The following GLRA3 variants were observed in gnomAD, a reference collection of about 807,000 sequenced individuals.
GLRA3 encodes glycine receptor alpha 3, also known as glycine receptor subunit alpha-3.
A neutral mutation model predicts 60.4 loss-of-function variants in GLRA3; 44 were observed. The ratio of observed to expected loss-of-function variants is 0.73; its 90% confidence interval spans 0.57 to 0.94. The LOEUF is 0.94. GLRA3 is among the 40% of genes least tolerant of loss of function. GLRA3 has a pLI of 0.00. For synonymous variants in GLRA3, 223 were observed against 192.9 expected, an observed-to-expected ratio of 1.16 and a Z score of -1.29; for missense variants, 508 against 564.6, an observed-to-expected ratio of 0.90 and a Z score of 1.02.
At chr4:174,804,727 A>G (rs959502757) in intron 1 of GLRA3, among the ~76,000 whole-genome samples, 2 of 152,150 alleles carry the variant, frequency 1.3e-5, no homozygotes, top group Non-Finnish European at 2.9e-5. Flanking sequence ...CTCTGCACAG[A>G]ACGCGCGGTC....
chr4:174,682,433 A>G (rs1734383601), intron 6 of GLRA3, among the ~76,000 whole-genome samples: 1 of 152,176 alleles, frequency 6.6e-6, no homozygotes, highest in Non-Finnish European at 1.5e-5. Context: ...TAAAAAATGC[A>G]ATTTAAAAAA....
chr4:174,646,621 A>T (rs4695939), intron 9 of GLRA3, among the ~76,000 whole-genome samples: 78,134 of 151,976 alleles, frequency 0.51, 21,619 homozygotes, highest in African/African-American at 0.73. Flanking sequence ...GGCAATCATA[A>T]ACACCCTGAC....
intron 3 of GLRA3, among the ~76,000 whole-genome samples, chr4:174,754,968 A>G (rs1483841083): frequency 6.6e-6 from 1 of 152,138 alleles, no homozygotes; most frequent in African/African-American, 2.4e-5. Flanking sequence ...TTATAGAATT[A>G]CACTGAAAGA....
chr4:174,729,038 C>T (rs1343759228), intron 3 of GLRA3, among the ~76,000 whole-genome samples: 3 of 152,192 alleles, frequency 2.0e-5, no homozygotes, highest in Non-Finnish European at 2.9e-5. Flanking sequence ...CCCCCAGGAT[C>T]CTCACTGATT....
chr4:174,767,795 G>A (rs757417595), intron 2 of GLRA3, among the ~76,000 whole-genome samples: 1 of 151,988 alleles, frequency 6.6e-6, no homozygotes, highest in Admixed American at 6.6e-5. Flanking sequence ...GAGATACTGG[G>A]ACTCTCTGAG....
Position 174,654,686 on chromosome 4 carries a change from G to A in GLRA3, c.1116+2057C>T, listed in dbSNP as rs906191553. Among the ~76,000 whole-genome samples the A allele has an allele frequency of 3.9e-5, 6 of 151,980 alleles. 1 individual carries two copies. Among genetic ancestry groups the A allele is most frequent in the South Asian group, 4.1e-4 (2 of 4,824 alleles). On this transcript the variant is annotated intron_variant, in intron 9 of 9. Transcript: ENST00000274093. ...ATATCTCTCAACAAATAACATGTTC[G>A]GAAATACCTTGGCATGTCTTTTTAA...
intron 4 of GLRA3, among the ~76,000 whole-genome samples, chr4:174,717,213 TA>T (rs542669937): frequency 0.46 from 48,819 of 105,736 alleles, 9,737 homozygotes; most frequent in Middle Eastern, 0.5. Flanking sequence ...TCTTGTCTCT[TA>T]AAAAAAAAAA....
At chr4:174,742,960 G>C (rs1737083932) in intron 3 of GLRA3, among the ~76,000 whole-genome samples, 1 of 152,078 alleles carries the variant, frequency 6.6e-6, no homozygotes, top group Non-Finnish European at 1.5e-5. Context: ...AATCAAGAAA[G>C]GACAACCTAT....
At chr4:174,696,489 T>G (rs140925990) in intron 5 of GLRA3, among the ~76,000 whole-genome samples, 7 of 148,728 alleles carry the variant, frequency 4.7e-5, no homozygotes, top group Non-Finnish European at 1.0e-4. Context: ...TAATATAATA[T>G]AATAATATTA....
At chr4:174,757,080 A>G (rs1285918313) in intron 3 of GLRA3, among the ~76,000 whole-genome samples, 1 of 152,246 alleles carries the variant, frequency 6.6e-6, no homozygotes, top group Non-Finnish European at 1.5e-5. Context: ...GGTAAGAGGG[A>G]TTGGAAAGGA....
At chr4:174,828,368 G>C (rs183302384) in intron 1 of GLRA3, among the ~76,000 whole-genome samples, 159 of 151,964 alleles carry the variant, frequency 1.0e-3, no homozygotes, top group African/African-American at 3.2e-3. Context: ...GTAATGTCTC[G>C]TTTCTAAATA....
rs975153441 is a variant in GLRA3 at position 174,742,708 on chromosome 4, C to G, written c.268-14010G>C. ...TATGATCTCAGCAGAAAAATGATAGCTTTTAAAGCCTGTTCCCTGGTGCTT... is the reference window on the plus strand; with the variant it reads ...TATGATCTCAGCAGAAAAATGATAGGTTTTAAAGCCTGTTCCCTGGTGCTT... On this transcript the variant is annotated intron_variant, in intron 3 of 9. Transcript: ENST00000274093. Among the ~76,000 whole-genome samples the G allele has an allele frequency of 7.2e-5, 11 of 152,138 alleles. 1 individual carries two copies. Among genetic ancestry groups the G allele is most frequent in the African/African-American group, 2.7e-4 (11 of 41,438 alleles).
rs1291749305 is a variant in GLRA3 at position 174,820,844 on chromosome 4, C to T, written c.71+7897G>A. ...TCACACCCTACTGCTATAGTAATTA[C>T]ATCTATTTTATTTTCATTAGTAGTA... On this transcript the variant is annotated intron_variant, in intron 1 of 9. Transcript: ENST00000274093. 3.9e-5 allele frequency among the ~76,000 whole-genome samples: 6 copies of T among 152,126 alleles called. No individual in the cohort carries two copies. The East Asian group carries it at 1.2e-3, about 29-fold the overall frequency.
chr4:174,658,727 A>G (rs911575245), intron 8 of GLRA3, among the ~76,000 whole-genome samples: 15 of 152,240 alleles, frequency 9.9e-5, no homozygotes, highest in Non-Finnish European at 1.6e-4. Context: ...AAGTGAAACT[A>G]TTAGAAATGC....
chr4:174,823,977 A>G (rs1419683099), intron 1 of GLRA3, among the ~76,000 whole-genome samples: 2 of 152,308 alleles, frequency 1.3e-5, no homozygotes, highest in Non-Finnish European at 2.9e-5. Flanking sequence ...CAAGTGTTCT[A>G]TCCTCATCGT....
chr4:174,763,765 G>A (rs1215615181), intron 3 of GLRA3, among the ~76,000 whole-genome samples: 3 of 152,000 alleles, frequency 2.0e-5, no homozygotes, highest in Non-Finnish European at 2.9e-5. Context: ...TGCCTCTCTC[G>A]CCAAGACCAT....
At chr4:174,796,479 T>C (rs1739573050) in intron 1 of GLRA3, among the ~76,000 whole-genome samples, 1 of 152,316 alleles carries the variant, frequency 6.6e-6, no homozygotes, top group East Asian at 1.9e-4. Flanking sequence ...AATTTATTGT[T>C]GGCAAATTTA....
At chr4:174,820,501 A>G (rs1178586070) in intron 1 of GLRA3, among the ~76,000 whole-genome samples, 2 of 152,186 alleles carry the variant, frequency 1.3e-5, no homozygotes, top group African/African-American at 4.8e-5. Flanking sequence ...AGTTTGAGCT[A>G]GACAGAGAAC....
At chr4:174,786,371 T>C (rs1310664812) in intron 2 of GLRA3, among the ~76,000 whole-genome samples, 1 of 152,038 alleles carries the variant, frequency 6.6e-6, no homozygotes, top group Non-Finnish European at 1.5e-5. Context: ...TCTACATCTA[T>C]GTTTGATGAG....
Sources: gnomAD v4.1 joint callset for allele counts (sites outside exome capture counted in the v4.1 genomes callset) on GRCh38, gnomAD v4.1.1 for gene constraint, MANE v1.5 for transcripts, NCBI Gene and HGNC (gene_info 2026-07-23, HGNC 2026-07-21) for gene names.